Variants in AXL observed in about 807,000 individuals in gnomAD.
AXL encodes AXL receptor tyrosine kinase, also known as tyrosine-protein kinase receptor UFO.
A neutral mutation model predicts 104.5 loss-of-function variants in AXL; 52 were observed. The ratio of observed to expected loss-of-function variants is 0.50; its 90% CI spans 0.40 to 0.63. AXL has a LOEUF of 0.63. Ranked by LOEUF, AXL falls within the 20% of genes least tolerant of loss-of-function variation. The probability of loss-of-function intolerance (pLI) is 0.00; values close to 1 mark genes in which losing one functional copy is unlikely to be tolerated. For missense variants in AXL, 1,024 were observed against 1,188.5 expected, an observed-to-expected ratio of 0.86 and a Z score of 2.04; for synonymous variants, 455 against 473.7, an observed-to-expected ratio of 0.96 and a Z score of 0.51.
Position 41,253,736 on chromosome 19 carries a change from C to G in AXL, c.2036+28C>G, listed in dbSNP as rs369982011. 6.1e-4 allele frequency: 775 copies of G among 1,262,706 alleles called. 3 individuals are homozygous for G. Among genetic ancestry groups the G allele is most frequent in the Admixed American group, 1.4e-3 (72 of 51,074 alleles). The allele number at this position is 1,262,706 out of a possible 1,614,324, so 78.2% of individuals were successfully genotyped here. On this transcript the variant is annotated intron_variant, in intron 17 of 19. Transcript: ENST00000301178. ...GAGTGCCTTTCAGGGACCCCCCCCC[C>G]CCAACTGCTCCTGCACTCCCTGAGG...
chr19:41,259,968 C>A lies in AXL; in HGVS notation c.*64C>A. The A allele has an allele frequency of 2.1e-6, 3 of 1,400,386 alleles. No homozygotes were observed. Among genetic ancestry groups the A allele is most frequent in the Non-Finnish European group, 1.9e-6 (2 of 1,042,142 alleles). 86.7% of individuals were successfully genotyped at this position (1,400,386 alleles called of 1,614,324 possible). ...CTAAGCACTGCCACTGGGGAAAACTCCACCTTCCCACTTTCCCACCCCACG... is the reference window on the plus strand; with the variant it reads ...CTAAGCACTGCCACTGGGGAAAACTACACCTTCCCACTTTCCCACCCCACG... On this transcript the variant is annotated 3_prime_UTR_variant, in exon 20 of 20. Coordinates refer to ENST00000301178, the MANE Select transcript of AXL (RefSeq NM_021913.5).
chr19:41,245,978 A>C (rs2034265030), intron 12 of AXL, among the ~76,000 whole-genome samples: 1 of 152,146 alleles, frequency 6.6e-6, no homozygotes, highest in African/African-American at 2.4e-5. Flanking sequence ...AGACCTTTGC[A>C]GGGGGCCCAT....
At chr19:41,220,242 CTCCCCCCACCACCACCCTT>C (rs943930006) in intron 1 of AXL, among the ~76,000 whole-genome samples, 18 of 104,150 alleles carry the variant, frequency 1.7e-4, no homozygotes, top group South Asian at 5.9e-4. Context: ...CCACCCTTAT[CTCCCCCCACCACCACCCTT>C]ATCTCTCTCC....
At chr19:41,259,147 A>G (rs1400348541) in intron 19 of AXL, among the ~76,000 whole-genome samples, 2 of 152,190 alleles carry the variant, frequency 1.3e-5, no homozygotes, top group Non-Finnish European at 2.9e-5. Flanking sequence ...AGTCCTGCCC[A>G]TGCTCAAGAG....
chr19:41,241,995 C>T (rs994241508), intron 10 of AXL, among the ~76,000 whole-genome samples: 7 of 152,306 alleles, frequency 4.6e-5, no homozygotes, highest in African/African-American at 1.4e-4. Context: ...TGCTTATCTA[C>T]ACTCTAGTCC....
intron 6 of AXL, among the ~76,000 whole-genome samples, chr19:41,234,986 C>T (rs183887848): frequency 1.3e-5 from 2 of 152,300 alleles, no homozygotes; most frequent in South Asian, 2.1e-4. Flanking sequence ...TGCCATTCCT[C>T]GGGTGGAATA....
chr19:41,226,777 A>G, intron 4 of AXL: 2 of 985,804 alleles, frequency 2.0e-6, no homozygotes, highest in Non-Finnish European at 1.2e-6. Flanking sequence ...AACAACACGC[A>G]GAACTGCAGT....
Position 41,252,725 on chromosome 19 carries a change from C to G in AXL, c.1805-121C>G. 2.0e-6 allele frequency: 3 copies of G among 1,527,676 alleles called. No homozygotes were observed. In the South Asian group the frequency reaches 3.8e-5, roughly 20 times the overall value. 94.6% of individuals were successfully genotyped at this position (1,527,676 alleles called of 1,614,324 possible). On this transcript the variant is annotated intron_variant, in intron 15 of 19. Transcript: ENST00000301178. ...TTGGTCCTTGCCACTGCCACTACCC[C>G]CAAACAATATGGTGGCCAGATTGGA...
In AXL at chr19:41,221,893, C is replaced by T. The variant is rs2033796843; in HGVS notation, c.423C>T (p.Phe141=). 1.9e-6 allele frequency: 3 copies of T among 1,613,754 alleles called. No individual in the cohort carries two copies. The highest frequency in any genetic ancestry group is 2.5e-6 in the Non-Finnish European group (3 of 1,179,910). ...GYVGLEGLPY[F]LEEPEDRTVA... ...CCACCCCGCTAGGCTTGCCTTACTTCCTGGAGGAGCCCGAAGACAGGACTG... is the reference window on the plus strand; with the variant it reads ...CCACCCCGCTAGGCTTGCCTTACTTTCTGGAGGAGCCCGAAGACAGGACTG... Residue 141 remains phenylalanine (F), a synonymous_variant, in exon 4 of 20, where the codon TTC becomes TTT. Transcript: ENST00000301178.
At chr19:41,246,886 TA>T (rs1204811945) in intron 12 of AXL, among the ~76,000 whole-genome samples, 2 of 152,152 alleles carry the variant, frequency 1.3e-5, no homozygotes, top group Non-Finnish European at 2.9e-5. Context: ...AATATTGATA[TA>T]TATGTAACAT....
chr19:41,229,615 T>C (rs1050804938), intron 4 of AXL, among the ~76,000 whole-genome samples: 1 of 152,232 alleles, frequency 6.6e-6, no homozygotes. Flanking sequence ...AGAGGTGTTG[T>C]TGAGGAACAA....
intron 19 of AXL, 139 bp from the exon 20 acceptor site, chr19:41,259,414 G>A (rs2034500704): frequency 7.4e-6 from 5 of 678,238 alleles, no homozygotes; most frequent in Non-Finnish European, 1.2e-5. Flanking sequence ...CCCCATAGAT[G>A]GCCTCAAACT....
intron 14 of AXL, among the ~76,000 whole-genome samples, chr19:41,251,614 C>G (rs1346269701): frequency 4.6e-5 from 7 of 151,560 alleles, no homozygotes; most frequent in Non-Finnish European, 1.0e-4. Flanking sequence ...GTGGTCCCAG[C>G]TACTCAGGAA....
At chr19:41,239,775 G>A (rs2034149200) in intron 10 of AXL, 55 bp downstream of exon 10, 2 of 1,596,988 alleles carry the variant, frequency 1.3e-6, no homozygotes, top group Non-Finnish European at 8.6e-7. Context: ...CCTAGTGGGG[G>A]CACTGTCACC....
At chr19:41,257,727 C>G (rs1030772930) in intron 19 of AXL, 98 bp downstream of exon 19, 2 of 1,494,106 alleles carry the variant, frequency 1.3e-6, no homozygotes, top group Non-Finnish European at 1.8e-6. Flanking sequence ...ATAACCCAGA[C>G]AGAATCCCTG....
intron 6 of AXL, among the ~76,000 whole-genome samples, chr19:41,233,775 C>T (rs1441266018): frequency 6.6e-6 from 1 of 151,162 alleles, no homozygotes; most frequent in Non-Finnish European, 1.5e-5. Flanking sequence ...AGCTGAGATT[C>T]AATCCCAGAG....
In AXL at chr19:41,231,509, G is replaced by A. The variant is rs75955910; in HGVS notation, c.783+211G>A. On this transcript the variant is annotated intron_variant, in intron 6 of 19. Coordinates refer to ENST00000301178, the MANE Select transcript of AXL (RefSeq NM_021913.5). ...GGGTAGGTGGCTTAATCTGTCCGGG[G>A]CTCAGCTCTCTTGTCTACAAAATGG... is the stretch of plus-strand genomic sequence containing the variant. Among the ~76,000 whole-genome samples the A allele has an allele frequency of 0.066, 10,112 of 152,232 alleles. 506 individuals carry two copies. The highest frequency in any genetic ancestry group is 0.11 in the Non-Finnish European group (7,234 of 68,004).
chr19:41,258,126 G>T (rs1378033778), intron 19 of AXL, among the ~76,000 whole-genome samples: 1 of 152,228 alleles, frequency 6.6e-6, no homozygotes, highest in East Asian at 1.9e-4. Flanking sequence ...TGCAATATTG[G>T]AGTATGCGGA....
At chr19:41,257,089 G>T (rs1474441137) in intron 18 of AXL, among the ~76,000 whole-genome samples, 1 of 152,012 alleles carries the variant, frequency 6.6e-6, no homozygotes, top group Non-Finnish European at 1.5e-5. Flanking sequence ...TGTCACCCAG[G>T]CTGCAGTGCA....
Sources: allele counts gnomAD v4.1 joint callset (sites outside exome capture counted in the v4.1 genomes callset), GRCh38; gene constraint gnomAD v4.1.1; transcripts MANE v1.5; gene names NCBI Gene and HGNC (gene_info 2026-07-23, HGNC 2026-07-21).